Variants in BBX observed in about 807,000 individuals in gnomAD.
BBX encodes the protein BBX high mobility group box domain containing.
A neutral mutation model predicts 100.2 loss-of-function variants in BBX; 30 were observed. That is an observed-to-expected ratio of 0.30 (90% CI 0.22 to 0.41). The LOEUF (loss-of-function observed/expected upper bound fraction) is 0.41, where lower values mean the gene tolerates loss of function less well. BBX is among the 10% of genes least tolerant of loss of function. The pLI, the probability that BBX is intolerant of heterozygous loss-of-function variation, is 1.00. For synonymous variants in BBX, 376 were observed against 388.1 expected, an observed-to-expected ratio of 0.97 and a Z score of 0.37; for missense variants, 1,023 against 1,129.8, an observed-to-expected ratio of 0.91 and a Z score of 1.35.
chr3:107,755,543 G>A (rs2065407689), intron 9 of BBX, 55 bp from the exon 10 acceptor site: 1 of 1,494,628 alleles, frequency 6.7e-7, no homozygotes, highest in African/African-American at 1.4e-5. Flanking sequence ...TGAATGAGAA[G>A]CAAAGATTCT....
At chr3:107,618,710 T>C (rs1213007399) in intron 2 of BBX, among the ~76,000 whole-genome samples, 4 of 151,976 alleles carry the variant, frequency 2.6e-5, no homozygotes, top group Non-Finnish European at 4.4e-5. Context: ...GTTTTCTTTC[T>C]GTTACTATTA....
intron 3 of BBX, among the ~76,000 whole-genome samples, chr3:107,678,543 G>T (rs535567806): frequency 8.7e-4 from 132 of 152,176 alleles, no homozygotes; most frequent in South Asian, 2.7e-3. Context: ...AGGCAACACA[G>T]TGAGACCTCG....
intron 3 of BBX, among the ~76,000 whole-genome samples, chr3:107,660,261 A>G (rs958995311): frequency 6.6e-6 from 1 of 152,094 alleles, no homozygotes; most frequent in Non-Finnish European, 1.5e-5. Flanking sequence ...GAATTATTTG[A>G]CTTTTCCAAA....
In BBX at chr3:107,805,192, G is replaced by A. The variant is rs568871208; in HGVS notation, c.2739-178G>A. 3.7e-4 allele frequency among the ~76,000 whole-genome samples: 56 copies of A among 152,252 alleles called. 1 individual carries two copies. Among genetic ancestry groups the A allele is most frequent in the Admixed American group, 4.6e-4 (7 of 15,290 alleles). On this transcript the variant is annotated intron_variant, in intron 17 of 17. Coordinates refer to ENST00000325805, the MANE Select transcript of BBX (RefSeq NM_001142568.3). ...TGGGAAGGAGGAAGGGGAAAAAAAG[G>A]ATAAGGAAGGGGACAGAAGAGAAAA...
intron 3 of BBX, among the ~76,000 whole-genome samples, chr3:107,672,404 A>G (rs1436354941): frequency 6.6e-6 from 1 of 152,058 alleles, no homozygotes; most frequent in Non-Finnish European, 1.5e-5. Flanking sequence ...ACATGACTGC[A>G]GTGTTCAAGC....
chr3:107,603,046 C>T (rs2054170872), intron 2 of BBX, among the ~76,000 whole-genome samples: 1 of 152,164 alleles, frequency 6.6e-6, no homozygotes, highest in Non-Finnish European at 1.5e-5. Context: ...TCACTGCAAG[C>T]TCCACCTCCC....
chr3:107,539,461 A>G (rs1245651794), intron 2 of BBX, among the ~76,000 whole-genome samples: 2 of 152,124 alleles, frequency 1.3e-5, no homozygotes, highest in Admixed American at 6.5e-5. Context: ...ATGTCTAGGA[A>G]TCCTTGCAAA....
At chr3:107,697,658 G>A (rs1037483508) in intron 3 of BBX, among the ~76,000 whole-genome samples, 2 of 151,880 alleles carry the variant, frequency 1.3e-5, no homozygotes, top group Non-Finnish European at 2.9e-5. Flanking sequence ...TTGTTTGTCT[G>A]TGCCCTGCCC....
At chr3:107,687,710 A>G (rs1040702714) in intron 3 of BBX, among the ~76,000 whole-genome samples, 8 of 152,196 alleles carry the variant, frequency 5.3e-5, no homozygotes, top group African/African-American at 1.9e-4. Flanking sequence ...TATTGGTCCC[A>G]TAGTTCACTA....
chr3:107,673,212 TAAAG>T (rs762368888), intron 3 of BBX, among the ~76,000 whole-genome samples: 1 of 152,014 alleles, frequency 6.6e-6, no homozygotes, highest in Non-Finnish European at 1.5e-5. Context: ...CTTTTGATAA[TAAAG>T]AAAAGAGAAC....
chr3:107,722,216 T>G (rs73850135), intron 5 of BBX, among the ~76,000 whole-genome samples: 1 of 151,960 alleles, frequency 6.6e-6, no homozygotes, highest in African/African-American at 2.4e-5. Context: ...TCAAATAAAT[T>G]TATAAAGACT....
At chr3:107,692,682 G>A (rs1380655988) in intron 3 of BBX, among the ~76,000 whole-genome samples, 2 of 150,752 alleles carry the variant, frequency 1.3e-5, no homozygotes, top group African/African-American at 4.9e-5. Flanking sequence ...CTTTATAGCA[G>A]CATGATTTAT....
chr3:107,709,573 A>G (rs2061592785), intron 3 of BBX, among the ~76,000 whole-genome samples: 1 of 152,240 alleles, frequency 6.6e-6, no homozygotes, highest in Admixed American at 6.5e-5. Context: ...TTTTTCCATG[A>G]CAGTAATTTC....
At chr3:107,775,046 T>A (rs953687242) in intron 12 of BBX, among the ~76,000 whole-genome samples, 189 bp downstream of exon 12, 3 of 152,180 alleles carry the variant, frequency 2.0e-5, no homozygotes, top group African/African-American at 4.8e-5. Flanking sequence ...GTTAACATGG[T>A]CATGTGAATG....
At position 107,798,479 on chromosome 3, in the gene BBX, C is replaced by T. The variant is rs1353048605; in HGVS notation, c.2354-44C>T. The T allele has an allele frequency of 2.5e-6, 4 of 1,581,370 alleles. No homozygotes were observed. The South Asian group carries it at 3.3e-5, about 13-fold the overall frequency. The stretch of plus-strand genomic sequence containing the variant: ...TTCCTTCTAAGAGCAATTTTGGTGC[C>T]TTCTGTTTTTGTGCATAACTATGCA... On this transcript the variant is annotated intron_variant, in intron 15 of 17. Transcript: ENST00000325805.
intron 2 of BBX, among the ~76,000 whole-genome samples, chr3:107,619,038 A>G (rs1277466145): frequency 1.3e-5 from 2 of 152,022 alleles, no homozygotes; most frequent in African/African-American, 2.4e-5. Context: ...TTTCGGTTCT[A>G]TAAGTTTTTA....
intron 2 of BBX, among the ~76,000 whole-genome samples, chr3:107,583,119 T>G (rs371499802): frequency 3.6e-4 from 54 of 151,882 alleles, no homozygotes; most frequent in Non-Finnish European, 6.6e-4. Flanking sequence ...CATATGAAGT[T>G]TAAAGAACTG....
rs111268408 is a variant in BBX at position 107,632,203 on chromosome 3, G to A, written c.-83-13633G>A. ...GTGATTCTCCTACCTCAGCCTACCC[G>A]AGTAGCTGGGACTACAGGCATGCAC... On this transcript the variant is annotated intron_variant, in intron 2 of 17. Transcript: ENST00000325805. 1.1e-4 allele frequency among the ~76,000 whole-genome samples: 16 copies of A among 152,072 alleles called. 1 individual carries two copies. The highest frequency in any genetic ancestry group is 3.4e-4 in the African/African-American group (14 of 41,500).
At chr3:107,734,286 T>G (rs73850142) in intron 7 of BBX, among the ~76,000 whole-genome samples, 2,675 of 152,322 alleles carry the variant, frequency 0.018, 75 homozygotes, top group African/African-American at 0.061. Flanking sequence ...GTTCACTTCA[T>G]TGTAGCAAGA....
Sources: allele counts gnomAD v4.1 joint callset (sites outside exome capture counted in the v4.1 genomes callset), GRCh38; gene constraint gnomAD v4.1.1; transcripts MANE v1.5; gene names NCBI Gene and HGNC (gene_info 2026-07-23, HGNC 2026-07-21).